RANBP2: variants seen among roughly 807,000 people sequenced by gnomAD.
RANBP2 encodes the protein E3 SUMO-protein ligase RanBP2.
Under a neutral mutation model 303.6 loss-of-function variants are expected in RANBP2, and 57 were observed. The ratio of observed to expected loss-of-function variants is 0.19; its 90% CI spans 0.15 to 0.23. RANBP2 has a LOEUF of 0.23. RANBP2 is among the 10% of genes least tolerant of loss of function. The pLI is 1.00. For synonymous variants in RANBP2, 1,167 were observed against 1,301.5 expected (o/e 0.90, Z 2.23); for missense variants, 3,138 against 3,780.8 (o/e 0.83, Z 4.46).
At chr2:109,438,542 C>G in the RANBP2 span, among the ~76,000 whole-genome samples, 11 of 152,312 alleles carry the variant, frequency 7.2e-5, no homozygotes, top group East Asian at 2.1e-3. Flanking sequence ...TTCTGTAAGT[C>G]TCTACTAGTA....
chr2:109,003,504 G>C, the RANBP2 span, among the ~76,000 whole-genome samples: 1,019 of 151,700 alleles, frequency 6.7e-3, 13 homozygotes, highest in African/African-American at 0.023. Flanking sequence ...TCCGTCTCCT[G>C]GGTTCACGTG....
At chr2:109,416,079 C>T in the RANBP2 span, among the ~76,000 whole-genome samples, 1 of 152,188 alleles carries the variant, frequency 6.6e-6, no homozygotes, top group Non-Finnish European at 1.5e-5. Context: ...CATGCAGCAT[C>T]GCACTTCTCA....
intron 25 of RANBP2, among the ~76,000 whole-genome samples, chr2:108,779,483 CA>C (rs1678095253): frequency 6.6e-6 from 1 of 152,122 alleles, no homozygotes; most frequent in African/African-American, 2.4e-5. Flanking sequence ...TCTTTAAAAA[CA>C]TTTTTTTTTC....
the RANBP2 span, among the ~76,000 whole-genome samples, chr2:109,608,421 C>T: frequency 3.0e-3 from 458 of 152,278 alleles, 2 homozygotes; most frequent in Non-Finnish European, 5.5e-3. Flanking sequence ...ACACAGAGGG[C>T]AGGATAAACT....
At chr2:109,182,187 A>G in the RANBP2 span, among the ~76,000 whole-genome samples, 1 of 151,724 alleles carries the variant, frequency 6.6e-6, no homozygotes, top group Non-Finnish European at 1.5e-5. Flanking sequence ...ATAGAAGTGT[A>G]TTTGACTCAT....
intron 9 of RANBP2, among the ~76,000 whole-genome samples, chr2:108,750,002 T>C (rs1675733459): frequency 6.6e-6 from 1 of 152,112 alleles, no homozygotes; most frequent in African/African-American, 2.4e-5. Context: ...ATACAAAAAT[T>C]ATCCGGGGGT....
chr2:108,828,324 A>G, the RANBP2 span, among the ~76,000 whole-genome samples: 1 of 152,244 alleles, frequency 6.6e-6, no homozygotes, highest in Non-Finnish European at 1.5e-5. Context: ...ACGTAAAAAC[A>G]TAAAACTTTT....
chr2:109,186,507 C>T, the RANBP2 span, among the ~76,000 whole-genome samples: 1 of 152,186 alleles, frequency 6.6e-6, no homozygotes, highest in African/African-American at 2.4e-5. Context: ...GCATGTAGGG[C>T]CAGTTACCCA....
chr2:109,078,258 T>C, the RANBP2 span, among the ~76,000 whole-genome samples: 5 of 56,468 alleles, frequency 8.9e-5, no homozygotes, highest in Admixed American at 6.9e-4. Context: ...TATATATATA[T>C]ATATAGCGCG....
the RANBP2 span, among the ~76,000 whole-genome samples, chr2:109,232,445 C>T: frequency 1.2e-4 from 18 of 152,184 alleles, no homozygotes; most frequent in Admixed American, 4.6e-4. Context: ...GTCTGCCTAT[C>T]TATCTGTAAA....
At chr2:109,693,259 C>A in the RANBP2 span, among the ~76,000 whole-genome samples, 4 of 152,150 alleles carry the variant, frequency 2.6e-5, no homozygotes, top group African/African-American at 9.7e-5. Flanking sequence ...TTCACTGCAA[C>A]CTCCTGGGTT....
the RANBP2 span, among the ~76,000 whole-genome samples, chr2:109,409,271 G>A: frequency 7.2e-5 from 11 of 152,180 alleles, no homozygotes; most frequent in African/African-American, 2.7e-4. Flanking sequence ...TCTCATCATA[G>A]ACACCTAGAG....
the RANBP2 span, among the ~76,000 whole-genome samples, chr2:109,329,569 A>G: frequency 5.9e-5 from 9 of 152,206 alleles, no homozygotes; most frequent in African/African-American, 1.9e-4. Context: ...TCCTGCAGCA[A>G]GTTTCAGAGG....
At chr2:109,038,637 C>A in the RANBP2 span, among the ~76,000 whole-genome samples, 1,038 of 152,152 alleles carry the variant, frequency 6.8e-3, 6 homozygotes, top group East Asian at 0.035. Context: ...ACATAGCTGA[C>A]AAAAGACTGG....
At chr2:109,590,892 C>T in the RANBP2 span, among the ~76,000 whole-genome samples, 1 of 152,136 alleles carries the variant, frequency 6.6e-6, no homozygotes, top group Admixed American at 6.5e-5. Context: ...TGCCAACAAC[C>T]AGAAAGAGTA....
At chr2:109,667,224 C>A in the RANBP2 span, 9 of 1,034,038 alleles carry the variant, frequency 8.7e-6, no homozygotes, top group Middle Eastern at 2.0e-4. Flanking sequence ...GCCCAAGACC[C>A]AAGCAAACGC....
chr2:109,003,763 G>A, the RANBP2 span, among the ~76,000 whole-genome samples: 2 of 152,114 alleles, frequency 1.3e-5, no homozygotes. Context: ...TCTCCTTAAG[G>A]TGCAACTCCA....
At chr2:109,288,571 TTTC>T in the RANBP2 span, among the ~76,000 whole-genome samples, 1 of 152,252 alleles carries the variant, frequency 6.6e-6, no homozygotes, top group Non-Finnish European at 1.5e-5. Flanking sequence ...CTCCATTTCC[TTTC>T]TGTTGAGAAT....
the RANBP2 span, chr2:108,873,519 C>T: frequency 1.6e-5 from 25 of 1,612,408 alleles, no homozygotes; most frequent in African/African-American, 6.7e-5. Context: ...TGTGCTGCTT[C>T]GAGCCCCTAA....
Sources: allele counts gnomAD v4.1 joint callset (sites outside exome capture counted in the v4.1 genomes callset), GRCh38; gene constraint gnomAD v4.1.1; transcripts MANE v1.5; gene names NCBI Gene and HGNC (gene_info 2026-07-23, HGNC 2026-07-21).